SEMA4D: variants seen among roughly 807,000 people sequenced by gnomAD.
SEMA4D encodes semaphorin 4D.
A neutral mutation model predicts 74.8 loss-of-function variants in SEMA4D; 22 were observed. The ratio of observed to expected loss-of-function variants is 0.29; its 90% CI spans 0.21 to 0.42. The LOEUF is 0.42. Among genes scored for constraint, SEMA4D ranks in the 10% least tolerant of loss-of-function variants. SEMA4D has a pLI of 1.00. For synonymous variants in SEMA4D, 445 were observed against 463.7 expected (o/e 0.96, Z 0.52); for missense variants, 937 against 1,118.4 (o/e 0.84, Z 2.31).
chr9:89,390,498 AG>A (rs1429824824), intron 9 of SEMA4D, among the ~76,000 whole-genome samples: 5 of 152,212 alleles, frequency 3.3e-5, no homozygotes, highest in African/African-American at 9.6e-5. Flanking sequence ...GGGGCTGTTA[AG>A]GGAACGGTGT....
At chr9:89,476,348 A>G (rs1350478691) in intron 1 of SEMA4D, among the ~76,000 whole-genome samples, 1 of 152,190 alleles carries the variant, frequency 6.6e-6, no homozygotes, top group Non-Finnish European at 1.5e-5. Context: ...CTGATGTCAC[A>G]TGTCAACTTG....
At chr9:89,475,317 T>C (rs1588146724) in intron 1 of SEMA4D, among the ~76,000 whole-genome samples, 1 of 152,254 alleles carries the variant, frequency 6.6e-6, no homozygotes, top group Admixed American at 6.5e-5. Context: ...ATCCTGAGCC[T>C]CAGCCAGTGA....
rs748261879 is a variant in SEMA4D at position 89,396,880 on chromosome 9, T to C, written c.316-45A>G. ...ACCATTAGCAACCGTCCAGCCCAGA[T>C]GCCCTCCACTATTCAAACTGCTCAC... On this transcript the variant is annotated intron_variant, in intron 5 of 15. Coordinates refer to ENST00000422704, the MANE Select transcript of SEMA4D (RefSeq NM_001371194.2). The C allele has an allele frequency of 5.2e-6, 8 of 1,534,084 alleles. No homozygotes were observed. In the African/African-American group the frequency reaches 9.6e-5, roughly 18 times the overall value.
chr9:89,485,225 T>C (rs947162328), intron 1 of SEMA4D, among the ~76,000 whole-genome samples: 1 of 152,158 alleles, frequency 6.6e-6, no homozygotes, highest in Non-Finnish European at 1.5e-5. Context: ...TCACAAACTG[T>C]TCTTAACACA....
chr9:89,393,332 G>A lies in SEMA4D; in HGVS notation c.508+230C>T, dbSNP rs922168776. On this transcript the variant is annotated intron_variant, in intron 7 of 15. Transcript: ENST00000422704. ...CACGCGGGGATTATCCAAATGACAT[G>A]AGCCAGCAATGGATACAAAGTGACG... Among the ~76,000 whole-genome samples, 7 of 152,202 alleles carry A rather than the reference G, an allele frequency of 4.6e-5. No homozygotes were observed. The South Asian group carries it at 1.4e-3, about 32-fold the overall frequency.
At position 89,492,725 on chromosome 9, in the gene SEMA4D, C is replaced by A. The variant is rs1400457736; in HGVS notation, c.-310+5194G>T. ...CAGCCCTCATGGGATCCATCACAGT[C>A]CTGTTGGCTCCGTCTTCGCAGAACA... On this transcript the variant is annotated intron_variant, in intron 1 of 15. Coordinates refer to ENST00000422704, the MANE Select transcript of SEMA4D (RefSeq NM_001371194.2). This position sits in a 1 kb window ranked among gnomAD's most constrained non-coding sequence, Gnocchi z 4.3. Among the ~76,000 whole-genome samples the A allele has an allele frequency of 6.6e-6, 1 of 152,188 alleles. No homozygotes were observed. Among genetic ancestry groups the A allele is most frequent in the African/African-American group, 2.4e-5 (1 of 41,438 alleles).
At chr9:89,427,670 CTTCAAAGTG>C (rs1848390551) in intron 2 of SEMA4D, among the ~76,000 whole-genome samples, 1 of 152,212 alleles carries the variant, frequency 6.6e-6, no homozygotes, top group Non-Finnish European at 1.5e-5. Context: ...GTGGGGCTGA[CTTCAAAGTG>C]CCCAAGCCTA....
At chr9:89,436,203 G>A (rs561564032) in intron 2 of SEMA4D, 1 of 152,380 alleles carries the variant, frequency 6.6e-6, no homozygotes, top group South Asian at 2.1e-4. Flanking sequence ...TTAGAAGGAA[G>A]CCCACTTACT....
In SEMA4D at chr9:89,399,355, C is replaced by A. The variant is rs756244861; in HGVS notation, c.253-17G>T. ...CCAATACACCTGTTGGGATAGAGTC[C>A]ATATCAGTGCATATTCTTTTAAAGA... On this transcript the variant is annotated splice_polypyrimidine_tract_variant and intron_variant, in intron 4 of 15. Transcript: ENST00000422704. 1 of 1,560,396 alleles carries A rather than the reference C, an allele frequency of 6.4e-7. No homozygotes were observed. Among genetic ancestry groups the A allele is most frequent in the South Asian group, 1.1e-5 (1 of 89,780 alleles).
At chr9:89,415,123 C>T (rs769700418) in intron 2 of SEMA4D, among the ~76,000 whole-genome samples, 10 of 152,206 alleles carry the variant, frequency 6.6e-5, no homozygotes, top group Non-Finnish European at 1.0e-4. Flanking sequence ...GACTGTCATG[C>T]CATTTGTGTG....
At chr9:89,410,172 G>A (rs997296110) in intron 2 of SEMA4D, among the ~76,000 whole-genome samples, 3 of 152,264 alleles carry the variant, frequency 2.0e-5, no homozygotes, top group African/African-American at 4.8e-5. Flanking sequence ...GAATGATGCC[G>A]CTGAACTGGG....
At chr9:89,410,769 C>T (rs1174265230) in intron 2 of SEMA4D, among the ~76,000 whole-genome samples, 2 of 152,208 alleles carry the variant, frequency 1.3e-5, no homozygotes, top group Non-Finnish European at 2.9e-5. Flanking sequence ...CCAGACACAT[C>T]ATCCTGAAAG....
chr9:89,461,321 G>A (rs888884331), intron 1 of SEMA4D, among the ~76,000 whole-genome samples: 5 of 152,158 alleles, frequency 3.3e-5, no homozygotes, highest in African/African-American at 9.7e-5. Context: ...AGCAGAAATT[G>A]GGACCGGTAA....
At chr9:89,491,094 T>C (rs187989151) in intron 1 of SEMA4D, among the ~76,000 whole-genome samples, 531 of 152,366 alleles carry the variant, frequency 3.5e-3, no homozygotes, top group Non-Finnish European at 6.1e-3. Context: ...TCATAATTCA[T>C]GTCAATAAAA....
At position 89,492,512 on chromosome 9, in the gene SEMA4D, C is replaced by G. The variant is rs1825710835; in HGVS notation, c.-310+5407G>C. ...AACTCCAGATCCCTTCCTCCAACTT[C>G]CTCCTCCCCACCTCCACTGGGACAC... On this transcript the variant is annotated intron_variant, in intron 1 of 15. Transcript: ENST00000422704. The surrounding 1 kb of genome is among the most constrained non-coding windows in gnomAD (Gnocchi z 4.3). Among the ~76,000 whole-genome samples, 1 of 152,150 alleles carries G rather than the reference C, an allele frequency of 6.6e-6. No homozygotes were observed.
At chr9:89,406,428 G>C (rs936577053) in intron 2 of SEMA4D, among the ~76,000 whole-genome samples, 1 of 152,232 alleles carries the variant, frequency 6.6e-6, no homozygotes, top group Admixed American at 6.5e-5. Flanking sequence ...GCTGCTTAGT[G>C]AAATTGTGGG....
intron 1 of SEMA4D, among the ~76,000 whole-genome samples, chr9:89,496,009 T>C (rs1825985202): frequency 6.6e-6 from 1 of 152,126 alleles, no homozygotes; most frequent in African/African-American, 2.4e-5. Flanking sequence ...ACACACCCGC[T>C]TGGTGTGGGG....
chr9:89,396,170 G>T (rs1285089422), intron 6 of SEMA4D, among the ~76,000 whole-genome samples: 2 of 152,150 alleles, frequency 1.3e-5, no homozygotes, highest in Non-Finnish European at 2.9e-5. Flanking sequence ...GCCCCTGAGT[G>T]GGTGGACCCA....
intron 1 of SEMA4D, among the ~76,000 whole-genome samples, chr9:89,469,149 A>C (rs1859512668): frequency 6.7e-6 from 1 of 148,576 alleles, no homozygotes; most frequent in South Asian, 2.1e-4. Flanking sequence ...GAACATGGCA[A>C]ACAACTCCGT....
Sources: allele counts gnomAD v4.1 joint callset (sites outside exome capture counted in the v4.1 genomes callset), GRCh38; gene constraint gnomAD v4.1.1; non-coding constraint Gnocchi (gnomAD v3.1); transcripts MANE v1.5; gene names NCBI Gene and HGNC (gene_info 2026-07-23, HGNC 2026-07-21).